The following SLC1A1 variants were observed in gnomAD, a reference collection of about 807,000 sequenced individuals.
The protein encoded by SLC1A1 is excitatory amino acid transporter 3.
In SLC1A1, 43 loss-of-function variants were observed where a neutral mutation model predicts 53.3. The observed-to-expected ratio is 0.81, with a 90% CI of 0.63 to 1.04. SLC1A1 has a LOEUF of 1.04. Among genes scored for constraint, SLC1A1 ranks in the 50% least tolerant of loss-of-function variants. The pLI, the probability that SLC1A1 is intolerant of heterozygous loss-of-function variation, is 0.00. For synonymous variants in SLC1A1, 307 were observed against 243.2 expected (o/e 1.26, Z -2.44); for missense variants, 748 against 664.9 (o/e 1.12, Z -1.37).
chr9:4,537,314 C>G lies in SLC1A1; in HGVS notation c.92-7253C>G, dbSNP rs1295123037. On this transcript the variant is annotated intron_variant, in intron 1 of 11. Coordinates refer to ENST00000262352, the MANE Select transcript of SLC1A1 (RefSeq NM_004170.6). ...GTGGCTCACGCCTGTAATCCCAGCA[C>G]TTTGGGAGGCCGAGGCGGGTGGATC... is the stretch of plus-strand genomic sequence containing the variant. Among the ~76,000 whole-genome samples the G allele has an allele frequency of 5.3e-5, 2 of 37,872 alleles. 1 individual carries two copies. The allele number at this position is 37,872 out of a possible 152,430, so 24.8% of individuals were successfully genotyped here.
chr9:4,519,489 G>C (rs1815989204), intron 1 of SLC1A1, among the ~76,000 whole-genome samples: 1 of 152,144 alleles, frequency 6.6e-6, no homozygotes, highest in Non-Finnish European at 1.5e-5. Context: ...ATCTGATCCT[G>C]CTTGGTTTTT....
At chr9:4,524,786 G>T (rs1264621208) in intron 1 of SLC1A1, among the ~76,000 whole-genome samples, 1 of 152,056 alleles carries the variant, frequency 6.6e-6, no homozygotes, top group African/African-American at 2.4e-5. Flanking sequence ...GTACAAAGAG[G>T]AAAAACCCGA....
intron 1 of SLC1A1, among the ~76,000 whole-genome samples, chr9:4,530,027 A>C (rs1212051089): frequency 6.6e-6 from 1 of 152,188 alleles, no homozygotes; most frequent in Non-Finnish European, 1.5e-5. Context: ...CTGAGAGAGT[A>C]ACTTGAATAT....
Position 4,502,077 on chromosome 9 carries a change from GTTTCA to G in SLC1A1, c.91+11311_91+11315del, listed in dbSNP as rs555152650. Among the ~76,000 whole-genome samples, 5 of 151,604 alleles carry G rather than the reference GTTTCA, an allele frequency of 3.3e-5. No homozygotes were observed. The South Asian group carries it at 6.2e-4, about 19-fold the overall frequency. On this transcript the variant is annotated intron_variant, in intron 1 of 11. Coordinates refer to ENST00000262352, the MANE Select transcript of SLC1A1 (RefSeq NM_004170.6). ...ACTTGTTTTCTGAGCCACTTAGCAG[GTTTCA>G]TTTAAGATTTCCCCAAATTATGGGC...
rs1337493090 is a variant in SLC1A1, at chr9:4,511,031, A to C, written c.91+20261A>C. On this transcript the variant is annotated intron_variant, in intron 1 of 11. Transcript: ENST00000262352. ...ATTTCCTGAAAGCAATCAATACAACACTCATAAGTTAAATTTTATTGAATT... is the reference window on the plus strand; with the variant it reads ...ATTTCCTGAAAGCAATCAATACAACCCTCATAAGTTAAATTTTATTGAATT... Among the ~76,000 whole-genome samples, 7 of 152,334 alleles carry C rather than the reference A, an allele frequency of 4.6e-5. No individual in the cohort carries two copies. In the East Asian group the frequency reaches 1.3e-3, roughly 29 times the overall value.
At chr9:4,547,563 C>T (rs1481283135) in intron 2 of SLC1A1, among the ~76,000 whole-genome samples, 1 of 152,208 alleles carries the variant, frequency 6.6e-6, no homozygotes, top group African/African-American at 2.4e-5. Flanking sequence ...TTCATTCATA[C>T]ACTTTCAGTT....
intron 1 of SLC1A1, among the ~76,000 whole-genome samples, chr9:4,533,915 C>T (rs1816573036): frequency 6.6e-6 from 1 of 152,190 alleles, no homozygotes; most frequent in Admixed American, 6.5e-5. Context: ...TCACTCAAAA[C>T]CACTCAACTA....
In SLC1A1 at chr9:4,559,567, T is replaced by G. The variant is rs193125011; in HGVS notation, c.233-1882T>G. Among the ~76,000 whole-genome samples, 8 of 152,184 alleles carry G rather than the reference T, an allele frequency of 5.3e-5. No individual in the cohort carries two copies. The East Asian group carries it at 1.3e-3, about 26-fold the overall frequency. Reference sequence around the variant, plus strand: ...TCACTTAAAAAAAATGGATAGGCCTTTTAGTGTGGGAAATGAACATAAAAG... The same window carrying G: ...TCACTTAAAAAAAATGGATAGGCCTGTTAGTGTGGGAAATGAACATAAAAG... On this transcript the variant is annotated intron_variant, in intron 2 of 11. Transcript: ENST00000262352.
At chr9:4,492,287 T>C (rs988337953) in intron 1 of SLC1A1, among the ~76,000 whole-genome samples, 1 of 152,088 alleles carries the variant, frequency 6.6e-6, no homozygotes, top group Admixed American at 6.5e-5. Flanking sequence ...TTCCTAGTGA[T>C]AAGAGTCGAG....
chr9:4,531,125 G>T (rs150832422), intron 1 of SLC1A1, among the ~76,000 whole-genome samples: 2 of 152,190 alleles, frequency 1.3e-5, no homozygotes, highest in South Asian at 2.1e-4. Flanking sequence ...AGCTCCCAGC[G>T]TGAGTGACTC....
chr9:4,541,579 C>T (rs1163159700), intron 1 of SLC1A1, among the ~76,000 whole-genome samples: 2 of 152,064 alleles, frequency 1.3e-5, no homozygotes, highest in Non-Finnish European at 2.9e-5. Flanking sequence ...TCCCTGGCAC[C>T]CTTTAGTAAT....
At chr9:4,490,877 C>A in intron 1 of SLC1A1, 107 bp downstream of exon 1, 4 of 923,706 alleles carry the variant, frequency 4.3e-6, no homozygotes, top group East Asian at 2.6e-5. Flanking sequence ...CATGCAGGGT[C>A]CCTCGATGCC....
intron 8 of SLC1A1, among the ~76,000 whole-genome samples, chr9:4,575,603 T>C (rs888563721): frequency 2.0e-5 from 3 of 151,928 alleles, no homozygotes; most frequent in Admixed American, 6.6e-5. Flanking sequence ...CCTGAGGAAG[T>C]GAGGGAAGGC....
intron 1 of SLC1A1, among the ~76,000 whole-genome samples, chr9:4,504,636 G>C (rs1462317190): frequency 2.0e-5 from 3 of 152,236 alleles, no homozygotes; most frequent in Non-Finnish European, 4.4e-5. Context: ...AGTTCTTGAA[G>C]TGATGGAGAT....
chr9:4,558,546 T>C (rs1818640517), intron 2 of SLC1A1, among the ~76,000 whole-genome samples: 1 of 152,196 alleles, frequency 6.6e-6, no homozygotes, highest in Admixed American at 6.5e-5. Flanking sequence ...TTGTTTAAGA[T>C]ATTTTCACCA....
intron 1 of SLC1A1, among the ~76,000 whole-genome samples, chr9:4,509,695 G>C (rs1820931524): frequency 6.6e-6 from 1 of 152,168 alleles, no homozygotes. Context: ...GCAGGACAAA[G>C]AAAGACAGAG....
intron 1 of SLC1A1, among the ~76,000 whole-genome samples, chr9:4,522,464 C>T (rs1475177699): frequency 3.9e-5 from 6 of 152,170 alleles, no homozygotes; most frequent in African/African-American, 1.4e-4. Flanking sequence ...GTTATTCAGC[C>T]TAATGTCCGT....
In SLC1A1 at chr9:4,552,187, C is replaced by CATTT. The variant is rs1278238229; in HGVS notation, c.232+7492_232+7495dup. ...GCATGGACCTGGAAGACCATTCGTT[C>CATTT]ATTTATTTATTTATTCATTCTATCT... is the stretch of plus-strand genomic sequence containing the variant. On this transcript the variant is annotated intron_variant, in intron 2 of 11. Transcript: ENST00000262352. 6.6e-5 allele frequency among the ~76,000 whole-genome samples: 10 copies of CATTT among 152,274 alleles called. No individual in the cohort carries two copies. In the South Asian group the frequency reaches 8.3e-4, roughly 13 times the overall value.
At chr9:4,517,836 G>C (rs983615241) in intron 1 of SLC1A1, among the ~76,000 whole-genome samples, 1 of 152,082 alleles carries the variant, frequency 6.6e-6, no homozygotes, top group South Asian at 2.1e-4. Flanking sequence ...CCATGGGCCT[G>C]CTTCCCTCAC....
Sources: allele counts gnomAD v4.1 joint callset (sites outside exome capture counted in the v4.1 genomes callset), GRCh38; gene constraint gnomAD v4.1.1; transcripts MANE v1.5; gene names NCBI Gene and HGNC (gene_info 2026-07-23, HGNC 2026-07-21).